FRY: variants seen among roughly 807,000 people sequenced by gnomAD.
FRY encodes the protein FRY microtubule binding protein.
FRY carries 128 observed loss-of-function variants against 348.4 expected under a neutral mutation model. The ratio of observed to expected loss-of-function variants is 0.37; its 90% CI spans 0.32 to 0.43. The LOEUF (loss-of-function observed/expected upper bound fraction) is 0.43. Among genes scored for constraint, FRY ranks in the 20% least tolerant of loss-of-function variants. FRY has a pLI of 1.00. For synonymous variants in FRY, 1,370 were observed against 1,374.7 expected (o/e 1.00, Z 0.08); for missense variants, 2,736 against 3,695.2 (o/e 0.74, Z 6.73).
chr13:32,274,151 A>T (rs552800041), intron 55 of FRY, among the ~76,000 whole-genome samples: 2 of 152,322 alleles, frequency 1.3e-5, no homozygotes, highest in East Asian at 3.9e-4. Context: ...TAACATAAAC[A>T]TTCATTCTGC....
chr13:32,222,313 A>C (rs1456624510), intron 36 of FRY, among the ~76,000 whole-genome samples: 2 of 152,156 alleles, frequency 1.3e-5, no homozygotes, highest in African/African-American at 4.8e-5. Context: ...TGGAGGGGGA[A>C]GACCTTGTAA....
intron 3 of FRY, among the ~76,000 whole-genome samples, chr13:32,116,919 G>A (rs1878336576): frequency 6.6e-6 from 1 of 152,058 alleles, no homozygotes; most frequent in Non-Finnish European, 1.5e-5. Flanking sequence ...TGGTGATGGG[G>A]GCAGATTTGT....
intron 58 of FRY, among the ~76,000 whole-genome samples, chr13:32,286,488 A>G (rs206094): frequency 0.68 from 102,594 of 151,918 alleles, 35,485 homozygotes; most frequent in Middle Eastern, 0.76. Context: ...TGGCTCAGGC[A>G]TGTAATCCCA....
intron 3 of FRY, among the ~76,000 whole-genome samples, chr13:32,114,990 C>T (rs534928430): frequency 6.6e-6 from 1 of 152,246 alleles, no homozygotes; most frequent in South Asian, 2.1e-4. Flanking sequence ...AAAGTTTATG[C>T]TGACTAGGTT....
chr13:32,192,742 T>TTC (rs1289309276), intron 28 of FRY, among the ~76,000 whole-genome samples: 1 of 142,484 alleles, frequency 7.0e-6, no homozygotes, highest in East Asian at 2.0e-4. Context: ...AATGTTACTT[T>TTC]TTTTTTTTTT....
chr13:32,214,795 A>T (rs1202715743), intron 35 of FRY, among the ~76,000 whole-genome samples: 1 of 152,090 alleles, frequency 6.6e-6, no homozygotes, highest in Non-Finnish European at 1.5e-5. Context: ...TTGTTCAGAA[A>T]CACCACCCCA....
At chr13:32,245,068 A>G (rs111404936) in intron 47 of FRY, among the ~76,000 whole-genome samples, 62 of 151,840 alleles carry the variant, frequency 4.1e-4, no homozygotes, top group African/African-American at 1.4e-3. Flanking sequence ...TTCTGCCTCA[A>G]CCTCCCAAGT....
intron 2 of FRY, among the ~76,000 whole-genome samples, chr13:32,081,954 C>T (rs931623947): frequency 4.6e-5 from 7 of 152,232 alleles, no homozygotes; most frequent in East Asian, 1.9e-4. Context: ...TGAATTTATG[C>T]GGGTTTGTAT....
intron 1 of FRY, among the ~76,000 whole-genome samples, chr13:32,051,164 T>C (rs899382631): frequency 3.9e-5 from 6 of 152,214 alleles, no homozygotes; most frequent in Non-Finnish European, 7.3e-5. Flanking sequence ...CAAAATTATT[T>C]TATCCCAGGA....
In FRY at chr13:32,225,891, C is replaced by T. The variant is rs1424385734; in HGVS notation, c.5123C>T (p.Ser1708Phe). ...SCNSNFHSIASVLLQTREMGE... is the reference protein window; with the variant it reads ...SCNSNFHSIAFVLLQTREMGE... ...AACAGCAATTTCCATTCCATTGCTT[C>T]CGTGCTCCTGCAGACCCGAGAGATG... The change falls in exon 39 of 61, where the codon TCC becomes TTC. Residue 1708 changes from serine (S) to phenylalanine (F), a missense_variant. Around this residue, in one of 9 missense-constraint regions of FRY, gnomAD observed 794 missense variants for 977.0 expected, o/e 0.81. Transcript: ENST00000542859. 2 of 1,614,030 alleles carry T rather than the reference C, an allele frequency of 1.2e-6. No individual in the cohort carries two copies. Among genetic ancestry groups the T allele is most frequent in the African/African-American group, 2.7e-5 (2 of 74,928 alleles).
intron 3 of FRY, among the ~76,000 whole-genome samples, chr13:32,111,904 A>G (rs1331577775): frequency 1.3e-5 from 2 of 152,230 alleles, no homozygotes; most frequent in Non-Finnish European, 2.9e-5. Flanking sequence ...CAGCAAACTC[A>G]GGGAGCCAGA....
intron 3 of FRY, among the ~76,000 whole-genome samples, chr13:32,112,576 G>T (rs1209040902): frequency 6.6e-6 from 1 of 152,168 alleles, no homozygotes; most frequent in African/African-American, 2.4e-5. Context: ...GTAACTATTT[G>T]CAATTGAATG....
At chr13:32,141,289 C>T (rs906170052) in intron 11 of FRY, among the ~76,000 whole-genome samples, 8 of 151,990 alleles carry the variant, frequency 5.3e-5, no homozygotes, top group Non-Finnish European at 1.2e-4. Context: ...GGATAATATA[C>T]AGTCATCAAA....
At chr13:32,065,954 T>A (rs1377301835) in intron 1 of FRY, among the ~76,000 whole-genome samples, 5 of 152,216 alleles carry the variant, frequency 3.3e-5, no homozygotes, top group Admixed American at 2.6e-4. Context: ...CATCATTTCA[T>A]TGAACCCCAT....
At chr13:32,085,586 T>G (rs1032269801) in intron 2 of FRY, among the ~76,000 whole-genome samples, 1 of 152,110 alleles carries the variant, frequency 6.6e-6, no homozygotes, top group Non-Finnish European at 1.5e-5. Flanking sequence ...CACAGGGTGG[T>G]TGAGAGGATT....
At chr13:32,261,927 A>C in intron 52 of FRY, 111 bp downstream of exon 52, 1 of 993,690 alleles carries the variant, frequency 1.0e-6, no homozygotes, top group Non-Finnish European at 1.6e-6. Context: ...TGCTGAACTA[A>C]AATCGGAACT....
chr13:32,248,173 A>G (rs908441732), intron 48 of FRY, among the ~76,000 whole-genome samples: 4 of 152,156 alleles, frequency 2.6e-5, no homozygotes, highest in African/African-American at 7.2e-5. Flanking sequence ...CAGAAACTGT[A>G]CTCTGTTCCT....
chr13:32,224,978 C>T lies in FRY; in HGVS notation c.4962C>T (p.His1654=). The part of the protein sequence containing the change: ...VIFMTEMVVD[H]SVREDWALHL... ...TTATGACTGAAATGGTGGTGGATCACAGTGTACGAGAAGACTGGGCGCTTC... is the reference window on the plus strand; with the variant it reads ...TTATGACTGAAATGGTGGTGGATCATAGTGTACGAGAAGACTGGGCGCTTC... The change falls in exon 38 of 61, where the codon CAC becomes CAT. Residue 1654 remains histidine, a synonymous_variant. Transcript: ENST00000542859. 2 of 1,611,722 alleles carry T rather than the reference C, an allele frequency of 1.2e-6. No individual in the cohort carries two copies. The highest frequency in any genetic ancestry group is 1.7e-6 in the Non-Finnish European group (2 of 1,177,824).
chr13:32,112,028 G>C (rs1180701407), intron 3 of FRY, among the ~76,000 whole-genome samples: 1 of 152,224 alleles, frequency 6.6e-6, no homozygotes, highest in Admixed American at 6.5e-5. Flanking sequence ...ATCTGCTGGA[G>C]TCAGAAAAGA....
Sources: gnomAD v4.1 joint callset for allele counts (sites outside exome capture counted in the v4.1 genomes callset) on GRCh38, gnomAD v4.1.1 for gene constraint, gnomAD v4.1.1 regional missense constraint, MANE v1.5 for transcripts, NCBI Gene and HGNC (gene_info 2026-07-23, HGNC 2026-07-21) for gene names.